The following NELL2 variants were observed in gnomAD, a reference collection of about 807,000 sequenced individuals.
The protein encoded by NELL2 is protein kinase C-binding protein NELL2.
A neutral mutation model predicts 109.6 loss-of-function variants in NELL2; 41 were observed. The observed-to-expected ratio is 0.37, with a 90% CI of 0.29 to 0.49. The LOEUF (loss-of-function observed/expected upper bound fraction) is 0.49, where lower values mean the gene tolerates loss of function less well. Among genes scored for constraint, NELL2 ranks in the 20% least tolerant of loss-of-function variants. The pLI, the probability that NELL2 is intolerant of heterozygous loss-of-function variation, is 0.98. For synonymous variants in NELL2, 355 were observed against 344.7 expected (o/e 1.03, Z -0.33); for missense variants, 900 against 1,008.3 (o/e 0.89, Z 1.45).
intron 15 of NELL2, among the ~76,000 whole-genome samples, chr12:44,550,744 T>C (rs1190361221): frequency 3.9e-5 from 6 of 152,008 alleles, no homozygotes; most frequent in South Asian, 2.1e-4. Context: ...GGGCATAACA[T>C]ATGGTGAAAT....
intron 2 of NELL2, among the ~76,000 whole-genome samples, chr12:44,861,692 G>A (rs558262470): frequency 3.3e-5 from 5 of 152,210 alleles, no homozygotes; most frequent in African/African-American, 7.2e-5. Flanking sequence ...CCAGGGCAGC[G>A]ACCATGGACT....
intron 15 of NELL2, among the ~76,000 whole-genome samples, chr12:44,567,172 C>G (rs772075645): frequency 6.6e-6 from 1 of 152,146 alleles, no homozygotes; most frequent in Non-Finnish European, 1.5e-5. Flanking sequence ...AAACTCTATA[C>G]GTTTTCATGA....
chr12:44,891,616 C>T (rs1945535055), intron 1 of NELL2, among the ~76,000 whole-genome samples: 2 of 148,582 alleles, frequency 1.3e-5, no homozygotes, highest in South Asian at 4.3e-4. Context: ...TTATTTGTAA[C>T]ACTGATTTTT....
At chr12:44,848,010 G>A (rs1281223349) in intron 2 of NELL2, among the ~76,000 whole-genome samples, 1 of 137,724 alleles carries the variant, frequency 7.3e-6, no homozygotes, top group African/African-American at 2.7e-5. Context: ...CGGTCTGGGC[G>A]ACAGAGTGAA....
chr12:44,531,809 C>T (rs913067192), intron 16 of NELL2, among the ~76,000 whole-genome samples: 7 of 152,164 alleles, frequency 4.6e-5, no homozygotes, highest in Non-Finnish European at 8.8e-5. Flanking sequence ...ACAATGAGTT[C>T]TCAAGTTGTG....
chr12:44,785,504 C>A (rs553531767), intron 3 of NELL2, among the ~76,000 whole-genome samples: 7 of 151,976 alleles, frequency 4.6e-5, no homozygotes, highest in Non-Finnish European at 1.0e-4. Flanking sequence ...CATTGACTTT[C>A]CTTCACAGAA....
At chr12:44,875,574 C>T in intron 1 of NELL2, 1 of 1,613,908 alleles carries the variant, frequency 6.2e-7, no homozygotes, top group African/African-American at 1.3e-5. Context: ...CCTTTAAACC[C>T]TTCTCTCTGC....
chr12:44,626,994 A>G (rs1946290202), intron 13 of NELL2, among the ~76,000 whole-genome samples: 1 of 152,148 alleles, frequency 6.6e-6, no homozygotes, highest in South Asian at 2.1e-4. Context: ...AGTGAGCCCT[A>G]GTGTGATTTT....
chr12:44,896,289 G>T (rs114506665), intron 1 of NELL2, among the ~76,000 whole-genome samples: 2,260 of 152,196 alleles, frequency 0.015, 53 homozygotes, highest in African/African-American at 0.051. Context: ...TTTAAAAAAA[G>T]AAGAAAATGT....
chr12:44,774,585 G>A, intron 9 of NELL2, 162 bp downstream of exon 9: 1 of 629,090 alleles, frequency 1.6e-6, no homozygotes. Context: ...TTTTAAAATG[G>A]AAAAGAACTA....
In NELL2 at chr12:44,714,761, T is replaced by C. The variant is rs1273650684; in HGVS notation, c.995-20A>G. 2 of 1,475,056 alleles carry C rather than the reference T, an allele frequency of 1.4e-6. No individual in the cohort carries two copies. Among genetic ancestry groups the C allele is most frequent in the Non-Finnish European group, 1.9e-6 (2 of 1,079,970 alleles). The allele number at this position is 1,475,056 out of a possible 1,614,324, so 91.4% of individuals were successfully genotyped here. The stretch of plus-strand genomic sequence containing the variant: ...ATATCGCTTTGGAGTAAAAAATACA[T>C]ATATATTTATTTTATTGGGAAAAAT... On this transcript the variant is annotated intron_variant, in intron 9 of 19. Coordinates refer to ENST00000429094, the MANE Select transcript of NELL2 (RefSeq NM_001145108.2).
chr12:44,706,782 A>G (rs1262071053), intron 11 of NELL2, among the ~76,000 whole-genome samples: 4 of 152,214 alleles, frequency 2.6e-5, no homozygotes, highest in African/African-American at 9.6e-5. Flanking sequence ...CAATTATCTA[A>G]TACAACCTAG....
intron 2 of NELL2, among the ~76,000 whole-genome samples, chr12:44,861,682 C>T (rs1482329838): frequency 6.6e-6 from 1 of 152,210 alleles, no homozygotes; most frequent in Non-Finnish European, 1.5e-5. Context: ...CATTCCATCA[C>T]CAGGGCAGCG....
chr12:44,566,772 T>A (rs1004287893), intron 15 of NELL2, among the ~76,000 whole-genome samples: 1 of 152,148 alleles, frequency 6.6e-6, no homozygotes, highest in East Asian at 1.9e-4. Flanking sequence ...TTTACAATAC[T>A]TCTGTAAAAG....
intron 13 of NELL2, among the ~76,000 whole-genome samples, chr12:44,655,701 AG>A (rs1217645841): frequency 6.6e-6 from 1 of 152,122 alleles, no homozygotes; most frequent in Non-Finnish European, 1.5e-5. Flanking sequence ...ATGTTTGCTT[AG>A]AAATAGTTTT....
At chr12:44,853,788 C>A (rs1028513343) in intron 2 of NELL2, among the ~76,000 whole-genome samples, 1 of 152,082 alleles carries the variant, frequency 6.6e-6, no homozygotes, top group Non-Finnish European at 1.5e-5. Context: ...TTAAATAAAT[C>A]TATTTTTATA....
At chr12:44,588,165 C>T (rs1025640724) in intron 15 of NELL2, among the ~76,000 whole-genome samples, 6 of 141,724 alleles carry the variant, frequency 4.2e-5, no homozygotes, top group East Asian at 2.1e-4. Flanking sequence ...AGCAAGACTC[C>T]GTCTCAAAAA....
chr12:44,630,578 T>C (rs1946417985), intron 13 of NELL2, among the ~76,000 whole-genome samples: 1 of 152,178 alleles, frequency 6.6e-6, no homozygotes, highest in Admixed American at 6.6e-5. Context: ...GCACTTTCCA[T>C]ATTCAAGGTT....
intron 12 of NELL2, among the ~76,000 whole-genome samples, chr12:44,700,517 C>T (rs1238944496): frequency 6.6e-6 from 1 of 152,084 alleles, no homozygotes. Context: ...CTTAAAAAGT[C>T]CTTCTTTCTA....
Sources: gnomAD v4.1 joint callset for allele counts (sites outside exome capture counted in the v4.1 genomes callset) on GRCh38, gnomAD v4.1.1 for gene constraint, MANE v1.5 for transcripts, NCBI Gene and HGNC (gene_info 2026-07-23, HGNC 2026-07-21) for gene names.